CENPP: variants seen among roughly 807,000 people sequenced by gnomAD.
The protein encoded by CENPP is centromere protein P.
In CENPP, 24 loss-of-function variants were observed where a neutral mutation model predicts 35.6. The observed-to-expected ratio is 0.67, with a 90% confidence interval of 0.49 to 0.95. The LOEUF (loss-of-function observed/expected upper bound fraction) is 0.95. Ranked by LOEUF, CENPP falls within the 40% of genes least tolerant of loss-of-function variation. The pLI is 0.00. For synonymous variants in CENPP, 120 were observed against 125.5 expected (o/e 0.96, Z 0.29); for missense variants, 332 against 345.3 (o/e 0.96, Z 0.31).
intron 5 of CENPP, among the ~76,000 whole-genome samples, chr9:92,430,214 C>T (rs1844070309): frequency 6.6e-6 from 1 of 152,108 alleles, no homozygotes; most frequent in Admixed American, 6.6e-5. Flanking sequence ...TATTTTACAG[C>T]CCTGTATGCT....
At chr9:92,515,643 AGAAAAGT>A (rs1847656474) in intron 5 of CENPP, among the ~76,000 whole-genome samples, 1 of 152,252 alleles carries the variant, frequency 6.6e-6, no homozygotes. Flanking sequence ...ACCAGACATT[AGAAAAGT>A]GAAACAGGTG....
chr9:92,602,793 C>T (rs1202476606), intron 5 of CENPP, among the ~76,000 whole-genome samples: 9 of 148,860 alleles, frequency 6.0e-5, no homozygotes, highest in Admixed American at 4.0e-4. Flanking sequence ...TCATTCTCCT[C>T]GTATACTGTT....
chr9:92,501,097 G>T, intron 5 of CENPP: 1 of 1,572,086 alleles, frequency 6.4e-7, no homozygotes, highest in Non-Finnish European at 8.7e-7. Context: ...CATCAGGATG[G>T]TGATCATCAG....
At position 92,502,395 on chromosome 9, in the gene CENPP, C is replaced by T. The variant is rs955227641; in HGVS notation, c.565-108919C>T. The T allele has an allele frequency of 5.5e-6, 7 of 1,271,532 alleles. No homozygotes were observed. In the South Asian group the frequency reaches 6.7e-5, roughly 12 times the overall value. The allele number at this position is 1,271,532 out of a possible 1,614,324, so 78.8% of individuals were successfully genotyped here. On this transcript the variant is annotated intron_variant, in intron 5 of 7. Coordinates refer to ENST00000375587, the MANE Select transcript of CENPP (RefSeq NM_001012267.3). Reference sequence around the variant, plus strand: ...GTTCACTAAGAAACGATTCTGTCTCCGAGCCCTTCAGTATCGTCACCTCCC... The same window carrying T: ...GTTCACTAAGAAACGATTCTGTCTCTGAGCCCTTCAGTATCGTCACCTCCC...
At chr9:92,535,396 T>C (rs1349980783) in intron 5 of CENPP, among the ~76,000 whole-genome samples, 1 of 152,182 alleles carries the variant, frequency 6.6e-6, no homozygotes, top group Non-Finnish European at 1.5e-5. Flanking sequence ...CCAATCATAG[T>C]ATCATTTTTA....
At chr9:92,379,345 C>T (rs957638944) in intron 4 of CENPP, among the ~76,000 whole-genome samples, 7 of 152,154 alleles carry the variant, frequency 4.6e-5, no homozygotes, top group Non-Finnish European at 2.9e-5. Flanking sequence ...GTCTGCAATA[C>T]GTAGAAGCCA....
At chr9:92,374,612 G>A (rs932305790) in intron 4 of CENPP, among the ~76,000 whole-genome samples, 1 of 152,028 alleles carries the variant, frequency 6.6e-6, no homozygotes, top group Non-Finnish European at 1.5e-5. Flanking sequence ...TTATATCTAT[G>A]TTTCTCCCCC....
chr9:92,431,466 T>C (rs982242940), intron 5 of CENPP, among the ~76,000 whole-genome samples: 1 of 152,238 alleles, frequency 6.6e-6, no homozygotes, highest in Non-Finnish European at 1.5e-5. Flanking sequence ...TTAACTTCCA[T>C]TGGCCTGCCT....
intron 5 of CENPP, among the ~76,000 whole-genome samples, chr9:92,533,699 G>C (rs1848998929): frequency 6.6e-6 from 1 of 151,970 alleles, no homozygotes; most frequent in Non-Finnish European, 1.5e-5. Flanking sequence ...TTTTCTCAGA[G>C]AATGTTGTAA....
chr9:92,505,674 G>T (rs763332188), intron 5 of CENPP: 2 of 1,585,204 alleles, frequency 1.3e-6, no homozygotes, highest in South Asian at 1.2e-5. Context: ...ATTCTAAGGT[G>T]ACCAACTGAT....
intron 5 of CENPP, among the ~76,000 whole-genome samples, chr9:92,418,222 G>T (rs909766730): frequency 6.6e-6 from 1 of 151,988 alleles, no homozygotes; most frequent in Non-Finnish European, 1.5e-5. Flanking sequence ...AAGTATCTGG[G>T]ACTACAGGCG....
At chr9:92,432,343 A>G (rs146460262) in intron 5 of CENPP, among the ~76,000 whole-genome samples, 4,127 of 152,182 alleles carry the variant, frequency 0.027, 86 homozygotes, top group Non-Finnish European at 0.039. Flanking sequence ...AAAAGGAAAA[A>G]AGAAAATGGT....
At chr9:92,445,561 A>G (rs556727034) in intron 5 of CENPP, among the ~76,000 whole-genome samples, 1 of 152,286 alleles carries the variant, frequency 6.6e-6, no homozygotes, top group East Asian at 1.9e-4. Flanking sequence ...AAAGGATTGA[A>G]TTATATAGTA....
intron 4 of CENPP, among the ~76,000 whole-genome samples, chr9:92,358,761 A>T (rs1210288830): frequency 1.3e-5 from 2 of 151,352 alleles, no homozygotes; most frequent in Non-Finnish European, 2.9e-5. Flanking sequence ...CTTTGTATTG[A>T]TATTTCTATT....
intron 4 of CENPP, among the ~76,000 whole-genome samples, chr9:92,370,792 G>A (rs10283572): frequency 0.48 from 72,361 of 152,044 alleles, 20,749 homozygotes; most frequent in African/African-American, 0.81. Context: ...TAGACTTCTT[G>A]TTGATTCAAT....
intron 5 of CENPP, among the ~76,000 whole-genome samples, chr9:92,436,514 A>G (rs550172976): frequency 2.6e-5 from 4 of 152,050 alleles, no homozygotes; most frequent in Non-Finnish European, 4.4e-5. Flanking sequence ...CATCTATGTT[A>G]TTTTCTAAAA....
intron 4 of CENPP, among the ~76,000 whole-genome samples, chr9:92,362,837 T>G (rs1343637338): frequency 6.6e-6 from 1 of 152,266 alleles, no homozygotes; most frequent in Non-Finnish European, 1.5e-5. Context: ...TCTCTATGTA[T>G]GTATATGTAT....
At chr9:92,352,962 T>A (rs1841502146) in intron 4 of CENPP, among the ~76,000 whole-genome samples, 2 of 152,062 alleles carry the variant, frequency 1.3e-5, no homozygotes, top group Admixed American at 6.6e-5. Context: ...CCCATACACA[T>A]CTCCTAAGAT....
intron 5 of CENPP, among the ~76,000 whole-genome samples, chr9:92,571,842 C>G (rs1419501952): frequency 6.7e-6 from 1 of 149,796 alleles, no homozygotes; most frequent in Non-Finnish European, 1.5e-5. Context: ...TAATGGCCTT[C>G]TTTGTCTCTT....
Sources: gnomAD v4.1 joint callset for allele counts (sites outside exome capture counted in the v4.1 genomes callset) on GRCh38, gnomAD v4.1.1 for gene constraint, MANE v1.5 for transcripts, NCBI Gene and HGNC (gene_info 2026-07-23, HGNC 2026-07-21) for gene names.